The following SHANK2 variants were observed in gnomAD, a reference collection of about 807,000 sequenced individuals.
SHANK2 encodes the protein SH3 and multiple ankyrin repeat domains protein 2.
SHANK2 carries 43 observed loss-of-function variants against 133.7 expected under a neutral mutation model. The ratio of observed to expected loss-of-function variants is 0.32; its 90% CI spans 0.25 to 0.41. SHANK2 has a LOEUF of 0.41. SHANK2 is among the 10% of genes least tolerant of loss of function. SHANK2 has a pLI of 1.00. For missense variants in SHANK2, 1,994 were observed against 2,235.8 expected (o/e 0.89, Z 2.18); for synonymous variants, 1,017 against 952.8 (o/e 1.07, Z -1.24).
intron 17 of SHANK2, among the ~76,000 whole-genome samples, chr11:70,580,484 C>T (rs551666327): frequency 1.4e-4 from 21 of 152,374 alleles, no homozygotes; most frequent in South Asian, 2.1e-4. Flanking sequence ...CAATGAGCGG[C>T]GTGGGCCTGC....
At chr11:70,601,231 T>C (rs145898758) in intron 17 of SHANK2, among the ~76,000 whole-genome samples, 1 of 143,632 alleles carries the variant, frequency 7.0e-6, no homozygotes, top group Admixed American at 7.0e-5. Context: ...TTTTTTTTTC[T>C]TTTTTTTGAG....
chr11:71,098,125 A>G (rs1951655317), intron 6 of SHANK2, among the ~76,000 whole-genome samples: 1 of 126,182 alleles, frequency 7.9e-6, no homozygotes, highest in Non-Finnish European at 1.6e-5. Context: ...GCCTGTATGT[A>G]TGTGTACATG....
intron 17 of SHANK2, among the ~76,000 whole-genome samples, chr11:70,551,036 C>G (rs782206051): frequency 1.3e-5 from 2 of 152,196 alleles, no homozygotes; most frequent in African/African-American, 2.4e-5. Context: ...GCGGGGAGGG[C>G]CAAGGGGCTG....
intron 17 of SHANK2, among the ~76,000 whole-genome samples, chr11:70,513,313 A>G (rs1554969553): frequency 6.6e-6 from 1 of 152,180 alleles, no homozygotes; most frequent in Non-Finnish European, 1.5e-5. Context: ...TCTGTGTGTA[A>G]ACTTCTCATA....
chr11:70,625,160 C>T (rs2136479448), intron 17 of SHANK2, among the ~76,000 whole-genome samples: 1 of 152,224 alleles, frequency 6.6e-6, no homozygotes, highest in East Asian at 1.9e-4. Flanking sequence ...GGGGCAGAGT[C>T]CAGGAGGGTC....
At chr11:70,747,276 A>G (rs1946660821) in intron 14 of SHANK2, among the ~76,000 whole-genome samples, 1 of 151,980 alleles carries the variant, frequency 6.6e-6, no homozygotes, top group South Asian at 2.1e-4. Flanking sequence ...GCTCGGTGCC[A>G]TGCTTAGGAT....
intron 18 of SHANK2, among the ~76,000 whole-genome samples, chr11:70,502,580 C>T (rs1425698804): frequency 2.6e-5 from 4 of 152,176 alleles, no homozygotes; most frequent in Non-Finnish European, 5.9e-5. Flanking sequence ...TAAAAGGGCA[C>T]TCCTGGTGGG....
intron 10 of SHANK2, among the ~76,000 whole-genome samples, chr11:70,929,598 G>A (rs565795405): frequency 1.3e-4 from 20 of 152,092 alleles, no homozygotes; most frequent in African/African-American, 4.3e-4. Flanking sequence ...ATCTCTCTCC[G>A]ACCTCCGTGC....
At chr11:70,747,920 C>T (rs538937893) in intron 14 of SHANK2, among the ~76,000 whole-genome samples, 5 of 152,202 alleles carry the variant, frequency 3.3e-5, no homozygotes, top group African/African-American at 1.2e-4. Context: ...CGTGTATGTG[C>T]ACATATGTGA....
intron 6 of SHANK2, among the ~76,000 whole-genome samples, chr11:71,099,102 C>T (rs1555096175): frequency 6.6e-6 from 1 of 152,082 alleles, no homozygotes; most frequent in Non-Finnish European, 1.5e-5. Context: ...ATAAGGGGCA[C>T]CCTACAAGCA....
intron 4 of SHANK2, among the ~76,000 whole-genome samples, chr11:71,118,083 G>A (rs1952012595): frequency 6.6e-6 from 1 of 152,118 alleles, no homozygotes; most frequent in African/African-American, 2.4e-5. Flanking sequence ...GCGCTGGGAA[G>A]GAAAAATTTA....
intron 17 of SHANK2, among the ~76,000 whole-genome samples, chr11:70,517,755 A>G (rs2059283268): frequency 6.6e-6 from 1 of 152,220 alleles, no homozygotes; most frequent in South Asian, 2.1e-4. Context: ...TGAGGCAGTG[A>G]GGCTGTTCTG....
chr11:70,506,912 A>G (rs986159807), intron 17 of SHANK2, among the ~76,000 whole-genome samples: 2 of 152,148 alleles, frequency 1.3e-5, no homozygotes, highest in African/African-American at 2.4e-5. Context: ...GCCTCAAACC[A>G]TCCACACACA....
chr11:70,710,627 G>A (rs1259746182), intron 14 of SHANK2, among the ~76,000 whole-genome samples: 3 of 152,222 alleles, frequency 2.0e-5, no homozygotes, highest in Non-Finnish European at 2.9e-5. Context: ...TTTCTCTGGC[G>A]GGTGGCAGAA....
chr11:71,229,601 T>C (rs545516878), intron 1 of SHANK2, among the ~76,000 whole-genome samples: 1 of 151,834 alleles, frequency 6.6e-6, no homozygotes, highest in Non-Finnish European at 1.5e-5. Flanking sequence ...AAACCCCGTC[T>C]CTATTACAAA....
intron 2 of SHANK2, among the ~76,000 whole-genome samples, chr11:71,176,070 C>A (rs1953437638): frequency 6.6e-6 from 1 of 152,140 alleles, no homozygotes; most frequent in Non-Finnish European, 1.5e-5. Flanking sequence ...ATTACATAGG[C>A]CAGGAACAGT....
intron 17 of SHANK2, among the ~76,000 whole-genome samples, chr11:70,658,234 CACACACACACAG>C (rs1555012187): frequency 0.051 from 4,399 of 86,776 alleles, 76 homozygotes; most frequent in East Asian, 0.07. Flanking sequence ...CACACACACA[CACACACACACAG>C]ACACACACAC....
chr11:70,779,013 C>T (rs1299452559), intron 14 of SHANK2, among the ~76,000 whole-genome samples: 2 of 151,976 alleles, frequency 1.3e-5, no homozygotes, highest in African/African-American at 4.8e-5. Context: ...TACCAGGTTG[C>T]CATAGTAACC....
chr11:70,486,243 T>A lies in SHANK2; in HGVS notation c.4050A>T (p.Glu1350Asp), dbSNP rs1195351633. 3 of 1,613,886 alleles carry A rather than the reference T, an allele frequency of 1.9e-6. No homozygotes were observed. In the Admixed American group the frequency reaches 5.0e-5, roughly 27 times the overall value. The change falls in exon 25 of 26, where the codon GAA (glutamate) becomes GAT (aspartate). Residue 1350 changes from glutamate to aspartate, a missense_variant. Transcript: ENST00000601538. This position sits in a 1 kb window ranked among gnomAD's most constrained non-coding sequence, Gnocchi z 8.0. ...AAGCACCTTCGGTTTCGGAAACACCTTCTGGCACCTCGGACGGCGAGCTGT... is the reference window on the plus strand; with the variant it reads ...AAGCACCTTCGGTTTCGGAAACACCATCTGGCACCTCGGACGGCGAGCTGT... ...KPDSSPSEVP[E>D]GVSETEGALQ... is the part of the protein sequence containing the mutation.
Sources: allele counts gnomAD v4.1 joint callset (sites outside exome capture counted in the v4.1 genomes callset), GRCh38; gene constraint gnomAD v4.1.1; non-coding constraint Gnocchi (gnomAD v3.1); transcripts MANE v1.5; gene names NCBI Gene and HGNC (gene_info 2026-07-23, HGNC 2026-07-21).